TAB2: variants seen among roughly 807,000 people sequenced by gnomAD.
TAB2 encodes TGF-beta activated kinase 1 (MAP3K7) binding protein 2, also known as TGF-beta-activated kinase 1 and MAP3K7-binding protein 2.
In TAB2, 3 loss-of-function variants were observed where a neutral mutation model predicts 65.0. The observed-to-expected ratio is 0.05, with a 90% CI of 0.02 to 0.12. TAB2 has a LOEUF of 0.12. Among genes scored for constraint, TAB2 ranks in the 10% least tolerant of loss-of-function variants. The pLI is 1.00. For missense variants in TAB2, 623 were observed against 840.3 expected (o/e 0.74, Z 3.20); for synonymous variants, 298 against 285.1 (o/e 1.05, Z -0.46).
chr6:149,227,460 C>G (rs560231200), intron 1 of TAB2, among the ~76,000 whole-genome samples: 1 of 152,062 alleles, frequency 6.6e-6, no homozygotes, highest in Admixed American at 6.6e-5. Context: ...AGAGAAAGAG[C>G]GTCATGTTAC....
At chr6:149,237,571 G>GT (rs1361296720) in intron 1 of TAB2, among the ~76,000 whole-genome samples, 1 of 152,192 alleles carries the variant, frequency 6.6e-6, no homozygotes, top group Non-Finnish European at 1.5e-5. Flanking sequence ...CCTTTCTCCT[G>GT]TTTATAAAAC....
intron 1 of TAB2, among the ~76,000 whole-genome samples, chr6:149,344,373 G>C (rs905986599): frequency 1.3e-5 from 2 of 152,176 alleles, no homozygotes; most frequent in African/African-American, 2.4e-5. Context: ...TCGTAATAGA[G>C]ATGCATACAA....
chr6:149,402,496 T>A (rs1335017236), intron 6 of TAB2, among the ~76,000 whole-genome samples: 4 of 152,044 alleles, frequency 2.6e-5, no homozygotes, highest in South Asian at 2.1e-4. Flanking sequence ...TAAAAAAAAA[T>A]TCCCAACAAA....
At chr6:149,405,412 C>T (rs924492950) in intron 6 of TAB2, among the ~76,000 whole-genome samples, 6 of 152,140 alleles carry the variant, frequency 3.9e-5, no homozygotes, top group Non-Finnish European at 7.4e-5. Context: ...AGCATATATC[C>T]AAAGGAAATG....
intron 3 of TAB2, among the ~76,000 whole-genome samples, chr6:149,386,679 C>T (rs1275505699): frequency 1.3e-5 from 2 of 151,994 alleles, no homozygotes; most frequent in Non-Finnish European, 2.9e-5. Flanking sequence ...TTTTTTCCAC[C>T]TTTTCAGCAG....
intron 1 of TAB2, among the ~76,000 whole-genome samples, chr6:149,227,492 A>G (rs1777306055): frequency 6.6e-6 from 1 of 152,114 alleles, no homozygotes; most frequent in African/African-American, 2.4e-5. Context: ...AGACAAGGCA[A>G]ATGCCCACGA....
At chr6:149,242,741 T>A (rs1777626748) in intron 1 of TAB2, among the ~76,000 whole-genome samples, 1 of 152,132 alleles carries the variant, frequency 6.6e-6, no homozygotes, top group African/African-American at 2.4e-5. Flanking sequence ...GAGAAGAGAA[T>A]GTGACATAAG....
At chr6:149,301,098 A>G (rs1778964943) in intron 1 of TAB2, among the ~76,000 whole-genome samples, 1 of 152,234 alleles carries the variant, frequency 6.6e-6, no homozygotes, top group Non-Finnish European at 1.5e-5. Context: ...GCAGAGGTCC[A>G]CATTGGGATG....
chr6:149,277,883 CAAAT>C (rs1351158039), intron 1 of TAB2, among the ~76,000 whole-genome samples: 1 of 152,114 alleles, frequency 6.6e-6, no homozygotes, highest in Non-Finnish European at 1.5e-5. Context: ...TTTTAACTTG[CAAAT>C]AGTCTGGAGG....
At chr6:149,347,649 G>A (rs1041493186) in intron 1 of TAB2, among the ~76,000 whole-genome samples, 8 of 152,098 alleles carry the variant, frequency 5.3e-5, no homozygotes, top group African/African-American at 1.9e-4. Context: ...CTTAAATGGA[G>A]TTTAAGTAAA....
chr6:149,350,617 C>CTTTTTTTTTTTTTT (rs150204735), intron 1 of TAB2, among the ~76,000 whole-genome samples: 1 of 92,514 alleles, frequency 1.1e-5, no homozygotes, highest in Non-Finnish European at 2.0e-5. Flanking sequence ...TATTTTATGT[C>CTTTTTTTTTTTTTT]TTTTTTTTTT....
chr6:149,320,332 C>T (rs1779401223), intron 1 of TAB2, among the ~76,000 whole-genome samples: 1 of 152,340 alleles, frequency 6.6e-6, no homozygotes, highest in East Asian at 1.9e-4. Context: ...CCGCCTCAGC[C>T]TCCCAAATGC....
intron 1 of TAB2, among the ~76,000 whole-genome samples, chr6:149,239,442 G>A (rs1412376061): frequency 6.6e-6 from 1 of 152,230 alleles, no homozygotes; most frequent in Admixed American, 6.5e-5. Context: ...TCATGGACAA[G>A]TCTAGAATTC....
intron 1 of TAB2, among the ~76,000 whole-genome samples, chr6:149,272,318 A>G (rs1260808882): frequency 6.6e-6 from 1 of 152,226 alleles, no homozygotes; most frequent in African/African-American, 2.4e-5. Flanking sequence ...GCACAAACGT[A>G]GGGACTTAAA....
intron 1 of TAB2, among the ~76,000 whole-genome samples, chr6:149,356,368 C>G (rs1463778168): frequency 2.0e-5 from 3 of 152,166 alleles, no homozygotes; most frequent in Non-Finnish European, 4.4e-5. Context: ...AACAAGGTTA[C>G]AGAAATAAGA....
intron 1 of TAB2, among the ~76,000 whole-genome samples, chr6:149,240,328 G>A (rs1777574622): frequency 6.6e-6 from 1 of 152,108 alleles, no homozygotes; most frequent in Non-Finnish European, 1.5e-5. Context: ...AAGTCATCTA[G>A]TTGGCCACCT....
chr6:149,290,146 T>C (rs988146870), intron 1 of TAB2, among the ~76,000 whole-genome samples: 193 of 152,300 alleles, frequency 1.3e-3, no homozygotes, highest in African/African-American at 4.6e-3. Context: ...ATGTTAATGC[T>C]GGTCAGCTAT....
chr6:149,310,097 G>A (rs55890656), intron 1 of TAB2, among the ~76,000 whole-genome samples: 4 of 36,476 alleles, frequency 1.1e-4, no homozygotes, highest in African/African-American at 2.0e-4. Context: ...TTTAGGAGGC[G>A]GGAGATGGGC....
intron 1 of TAB2, among the ~76,000 whole-genome samples, chr6:149,361,130 G>T (rs994461318): frequency 2.0e-5 from 3 of 152,156 alleles, no homozygotes; most frequent in East Asian, 1.9e-4. Context: ...CCTTTCCCCA[G>T]CCCCACTAGG....
Sources: allele counts gnomAD v4.1 joint callset (sites outside exome capture counted in the v4.1 genomes callset), GRCh38; gene constraint gnomAD v4.1.1; transcripts MANE v1.5; gene names NCBI Gene and HGNC (gene_info 2026-07-23, HGNC 2026-07-21).